The following NCOR1 variants were observed in gnomAD, a reference collection of about 807,000 sequenced individuals.
The protein encoded by NCOR1 is protein phosphatase 1, regulatory subunit 109.
In NCOR1, 63 loss-of-function variants were observed where a neutral mutation model predicts 288.1. That is an observed-to-expected ratio of 0.22 (90% CI 0.18 to 0.27). The LOEUF is 0.27. NCOR1 is among the 10% of genes least tolerant of loss of function. The pLI, the probability that NCOR1 is intolerant of heterozygous loss-of-function variation, is 1.00. For missense variants in NCOR1, 2,397 were observed against 3,019.2 expected, an observed-to-expected ratio of 0.79 and a Z score of 4.83; for synonymous variants, 1,007 against 1,065.9, an observed-to-expected ratio of 0.94 and a Z score of 1.08.
chr17:16,142,417 G>A (rs755500554), intron 11 of NCOR1, among the ~76,000 whole-genome samples: 1 of 151,942 alleles, frequency 6.6e-6, no homozygotes, highest in Non-Finnish European at 1.5e-5. Flanking sequence ...AAGACTCTCA[G>A]AATTTTGAGA....
At chr17:16,041,635 G>A (rs906113994) in intron 42 of NCOR1, among the ~76,000 whole-genome samples, 4 of 151,812 alleles carry the variant, frequency 2.6e-5, no homozygotes, top group African/African-American at 9.7e-5. Context: ...GGCTGGTCTC[G>A]AACTCCTGAC....
intron 40 of NCOR1, among the ~76,000 whole-genome samples, chr17:16,053,412 G>C (rs1299576091): frequency 1.3e-5 from 2 of 152,074 alleles, no homozygotes; most frequent in Non-Finnish European, 2.9e-5. Context: ...CAAGCCAAGA[G>C]CCAAATAAGG....
At chr17:16,169,268 A>AAACAAC (rs57544996) in intron 4 of NCOR1, among the ~76,000 whole-genome samples, 6 of 152,158 alleles carry the variant, frequency 3.9e-5, no homozygotes, top group East Asian at 1.9e-4. Context: ...AGCAGCAAAA[A>AAACAAC]AACAACAACA....
At chr17:16,120,649 CT>C (rs1490579614) in intron 16 of NCOR1, among the ~76,000 whole-genome samples, 1 of 151,884 alleles carries the variant, frequency 6.6e-6, no homozygotes, top group Non-Finnish European at 1.5e-5. Flanking sequence ...ACATAAAATA[CT>C]ATGTGAATAA....
chr17:16,062,391 TAAG>T, intron 35 of NCOR1, 121 bp from the exon 36 acceptor site: 1 of 930,902 alleles, frequency 1.1e-6, no homozygotes, highest in Middle Eastern at 3.6e-4. Context: ...AAAAACAAGA[TAAG>T]AAACTTGATA....
At chr17:16,130,131 T>A (rs2075367961) in intron 14 of NCOR1, among the ~76,000 whole-genome samples, 1 of 152,154 alleles carries the variant, frequency 6.6e-6, no homozygotes, top group Admixed American at 6.5e-5. Context: ...CTCTCACCCC[T>A]CTGTATACTG....
chr17:16,126,051 A>C lies in NCOR1; in HGVS notation c.1634+31T>G, dbSNP rs2073985521. On this transcript the variant is annotated intron_variant, in intron 15 of 45. Transcript: ENST00000268712. ...AAAAATAAAATAAAAATAAACATTT[A>C]ACTTATTATATAACTAATTATTTAA... The C allele has an allele frequency of 3.9e-6, 4 of 1,023,110 alleles. No individual in the cohort carries two copies. The East Asian group carries it at 1.1e-4, about 28-fold the overall frequency. The allele number at this position is 1,023,110 out of a possible 1,614,324, so 63.4% of individuals were successfully genotyped here.
intron 27 of NCOR1, among the ~76,000 whole-genome samples, chr17:16,074,870 TTTTG>T (rs61453507): frequency 2.0e-5 from 3 of 152,300 alleles, no homozygotes; most frequent in East Asian, 3.9e-4. Flanking sequence ...TTCTAATTCT[TTTTG>T]TTTGTTTGTT....
chr17:16,176,734 A>G (rs926291612), intron 3 of NCOR1, among the ~76,000 whole-genome samples: 2 of 152,068 alleles, frequency 1.3e-5, no homozygotes, highest in African/African-American at 2.4e-5. Flanking sequence ...CAATTCTGCT[A>G]TGTAGAAGTT....
At chr17:16,104,440 T>G (rs2068206014) in intron 19 of NCOR1, among the ~76,000 whole-genome samples, 1 of 152,176 alleles carries the variant, frequency 6.6e-6, no homozygotes, top group Non-Finnish European at 1.5e-5. Flanking sequence ...GATGCTCTCA[T>G]GGAGCCCATA....
At chr17:16,084,321 A>C (rs2063876963) in intron 23 of NCOR1, 1 of 152,294 alleles carries the variant, frequency 6.6e-6, no homozygotes, top group Admixed American at 6.5e-5. Flanking sequence ...CTAATAGCAA[A>C]GAGAATTTCG....
intron 23 of NCOR1, among the ~76,000 whole-genome samples, chr17:16,083,059 C>G (rs573779178): frequency 6.6e-6 from 1 of 151,970 alleles, no homozygotes; most frequent in Admixed American, 6.6e-5. Flanking sequence ...GGTGAAACCC[C>G]GTCTCTACTA....
At chr17:16,055,623 G>A (rs547754046) in intron 40 of NCOR1, among the ~76,000 whole-genome samples, 3 of 152,246 alleles carry the variant, frequency 2.0e-5, no homozygotes, top group Admixed American at 6.5e-5. Context: ...AAACCCCCAC[G>A]ACTCAAGTTT....
At chr17:16,123,209 A>C (rs947964562) in intron 15 of NCOR1, among the ~76,000 whole-genome samples, 1 of 152,008 alleles carries the variant, frequency 6.6e-6, no homozygotes, top group Non-Finnish European at 1.5e-5. Context: ...CATTCCTACC[A>C]TGTTCATCAT....
chr17:16,142,907 T>G (rs571891680), intron 11 of NCOR1, among the ~76,000 whole-genome samples: 1 of 152,324 alleles, frequency 6.6e-6, no homozygotes, highest in East Asian at 1.9e-4. Flanking sequence ...AACAAAGTAA[T>G]GCCACTTGCT....
chr17:16,208,785 A>G (rs1373125783), intron 1 of NCOR1, among the ~76,000 whole-genome samples: 1 of 152,114 alleles, frequency 6.6e-6, no homozygotes, highest in South Asian at 2.1e-4. Context: ...GCATTGAACT[A>G]TGATCACACC....
Position 16,061,976 on chromosome 17 carries a change from C to A in NCOR1, c.5388-82G>T, listed in dbSNP as rs115546138. On this transcript the variant is annotated intron_variant, in intron 36 of 45. Transcript: ENST00000268712. ...GGTGGGGAGATGGAAGGACAAACTG[C>A]AACAACAACAAAAAAAGCCTTCATG... 7.5e-4 allele frequency: 1,175 copies of A among 1,563,396 alleles called. 12 individuals carry two copies. The African/African-American group carries it at 0.015, about 20-fold the overall frequency.
intron 4 of NCOR1, among the ~76,000 whole-genome samples, chr17:16,170,364 G>A (rs911952055): frequency 2.6e-5 from 4 of 151,876 alleles, no homozygotes; most frequent in Non-Finnish European, 5.9e-5. Context: ...AAGAAAAACT[G>A]AAACAAAAAG....
At chr17:16,153,543 A>G (rs984191138) in intron 6 of NCOR1, 148 bp from the exon 7 acceptor site, 5 of 476,276 alleles carry the variant, frequency 1.0e-5, no homozygotes, top group Non-Finnish European at 1.8e-5. Flanking sequence ...ACAGGCTGAA[A>G]TATGCTCCAG....
Sources: gnomAD v4.1 joint callset for allele counts (sites outside exome capture counted in the v4.1 genomes callset) on GRCh38, gnomAD v4.1.1 for gene constraint, MANE v1.5 for transcripts, NCBI Gene and HGNC (gene_info 2026-07-23, HGNC 2026-07-21) for gene names.